SPATA13: variants seen among roughly 807,000 people sequenced by gnomAD.
SPATA13 encodes the protein spermatogenesis-associated protein 13.
Under a neutral mutation model 104.0 loss-of-function variants are expected in SPATA13, and 50 were observed. That is an observed-to-expected ratio of 0.48 (90% confidence interval 0.38 to 0.61). The LOEUF is 0.61. SPATA13 is among the 20% of genes least tolerant of loss of function. The pLI is 0.00. For missense variants in SPATA13, 1,524 were observed against 1,690.6 expected (o/e 0.90, Z 1.73); for synonymous variants, 606 against 667.5 (o/e 0.91, Z 1.42).
At chr13:24,084,579 G>C (rs888513802) in intron 3 of SPATA13, among the ~76,000 whole-genome samples, 3 of 152,138 alleles carry the variant, frequency 2.0e-5, no homozygotes, top group African/African-American at 7.2e-5. Context: ...TTCAGCTGGA[G>C]ATGAATTTGT....
chr13:24,216,779 G>T (rs1220082194), intron 1 of SPATA13, among the ~76,000 whole-genome samples: 1 of 152,186 alleles, frequency 6.6e-6, no homozygotes, highest in East Asian at 1.9e-4. Flanking sequence ...GGCTGGGCAT[G>T]GTGGCTCATG....
chr13:24,109,059 G>A (rs1880549684), intron 3 of SPATA13, among the ~76,000 whole-genome samples: 1 of 152,090 alleles, frequency 6.6e-6, no homozygotes, highest in African/African-American at 2.4e-5. Flanking sequence ...GTTTGCTGCA[G>A]CCATTAACTC....
rs941840152 is a variant in SPATA13 at position 24,044,848 on chromosome 13, C to G, written c.-112+27147C>G. Reference sequence around the variant, plus strand: ...ATATGTGGAATCTGAAAATATCCATCTCCTGGAGACAGTAAATAGAACGGT... The same window carrying G: ...ATATGTGGAATCTGAAAATATCCATGTCCTGGAGACAGTAAATAGAACGGT... On this transcript the variant is annotated intron_variant, in intron 3 of 14. Transcript: ENST00000424834. Among the ~76,000 whole-genome samples the G allele has an allele frequency of 2.2e-4, 28 of 127,822 alleles. No homozygotes were observed. The South Asian group carries it at 6.9e-3, about 31-fold the overall frequency. 83.9% of individuals were successfully genotyped at this position (127,822 alleles called of 152,430 possible). A position where few individuals can be genotyped will look rare whatever the true frequency, so the allele number is the denominator to read the frequency against.
At chr13:24,238,732 C>T (rs926876542) in intron 2 of SPATA13, among the ~76,000 whole-genome samples, 4 of 152,160 alleles carry the variant, frequency 2.6e-5, no homozygotes, top group East Asian at 3.8e-4. Flanking sequence ...ATGTTTTTCA[C>T]GTTTACTCAC....
At chr13:24,183,446 A>G (rs1389633652) in intron 1 of SPATA13, among the ~76,000 whole-genome samples, 1 of 152,178 alleles carries the variant, frequency 6.6e-6, no homozygotes, top group Non-Finnish European at 1.5e-5. Context: ...AACGCTTTCT[A>G]TGTTGTAAGT....
chr13:24,186,615 G>A (rs1869167578), intron 1 of SPATA13, among the ~76,000 whole-genome samples: 1 of 152,226 alleles, frequency 6.6e-6, no homozygotes, highest in African/African-American at 2.4e-5. Context: ...GAGCTAAAGA[G>A]AAGTTAGTTC....
chr13:24,077,547 T>C (rs937692189), intron 3 of SPATA13, among the ~76,000 whole-genome samples: 1 of 151,912 alleles, frequency 6.6e-6, no homozygotes, highest in Non-Finnish European at 1.5e-5. Flanking sequence ...GAATGGACAC[T>C]GGAAGCCCAG....
chr13:24,136,502 A>G (rs1157290301), intron 3 of SPATA13, among the ~76,000 whole-genome samples: 3 of 135,522 alleles, frequency 2.2e-5, no homozygotes, highest in South Asian at 4.8e-4. Flanking sequence ...AAAGAAAGAA[A>G]GTGAGAGAGA....
rs1566088002 is a variant in SPATA13, at chr13:24,057,024, TCTCTC to T, written c.-112+39324_-112+39328del. ...TTTTCTTTCTCTCTCTCTCTCTCTC[TCTCTC>T]TCTTTCTTTCATAGCGTCTGGCTCT... On this transcript the variant is annotated intron_variant, in intron 3 of 14. Coordinates refer to the SPATA13 transcript ENST00000424834. Among the ~76,000 whole-genome samples the T allele has an allele frequency of 6.1e-3, 920 of 150,014 alleles. 10 individuals are homozygous for T. Among genetic ancestry groups the T allele is most frequent in the African/African-American group, 0.021 (854 of 40,854 alleles).
intron 2 of SPATA13, among the ~76,000 whole-genome samples, chr13:24,232,536 A>G (rs1358096288): frequency 6.6e-6 from 1 of 152,082 alleles, no homozygotes; most frequent in Non-Finnish European, 1.5e-5. Context: ...TTGTCTTTTA[A>G]ATTTTTTAAT....
rs916285958 is a variant in SPATA13, at chr13:24,089,523, A to G, written c.-112+71822A>G. 3.3e-5 allele frequency among the ~76,000 whole-genome samples: 5 copies of G among 152,196 alleles called. No individual in the cohort carries two copies. In the East Asian group the frequency reaches 9.6e-4, roughly 29 times the overall value. On this transcript the variant is annotated intron_variant, in intron 3 of 14. Transcript: ENST00000424834. ...TGATGGAGTCTCTATACAATATGCA[A>G]TATTACAAAACCCCTCTGGGCTAGG... is the stretch of plus-strand genomic sequence containing the variant.
At chr13:24,233,595 T>C (rs1872397486) in intron 2 of SPATA13, among the ~76,000 whole-genome samples, 1 of 152,192 alleles carries the variant, frequency 6.6e-6, no homozygotes, top group Non-Finnish European at 1.5e-5. Context: ...AGCTTTTTAC[T>C]TTAACAATGG....
chr13:24,232,796 G>C (rs1056096546), intron 2 of SPATA13, among the ~76,000 whole-genome samples: 1 of 152,186 alleles, frequency 6.6e-6, no homozygotes, highest in Non-Finnish European at 1.5e-5. Flanking sequence ...TGGTCTGCCT[G>C]CCTCGGCCTC....
intron 3 of SPATA13, among the ~76,000 whole-genome samples, chr13:24,065,866 A>C (rs1336017561): frequency 6.6e-6 from 1 of 152,228 alleles, no homozygotes; most frequent in African/African-American, 2.4e-5. Context: ...CTGAAGTCCA[A>C]ATACTTGGGT....
At chr13:24,270,476 T>C (rs1874521692) in intron 4 of SPATA13, among the ~76,000 whole-genome samples, 1 of 152,230 alleles carries the variant, frequency 6.6e-6, no homozygotes, top group Non-Finnish European at 1.5e-5. Context: ...TCTCTGAAAG[T>C]TTAACTCAGG....
chr13:24,246,056 GA>G (rs1873116004), intron 2 of SPATA13, among the ~76,000 whole-genome samples: 1 of 152,154 alleles, frequency 6.6e-6, no homozygotes, highest in Non-Finnish European at 1.5e-5. Flanking sequence ...GCATTACTGA[GA>G]AAAGGCAGGG....
intron 3 of SPATA13, among the ~76,000 whole-genome samples, chr13:24,046,974 C>T (rs1345341968): frequency 2.0e-5 from 3 of 152,160 alleles, no homozygotes; most frequent in Admixed American, 2.0e-4. Flanking sequence ...AAATCAGCCT[C>T]TCTCAGAACT....
intron 4 of SPATA13, among the ~76,000 whole-genome samples, chr13:24,257,736 T>C (rs1474842763): frequency 6.6e-6 from 1 of 152,068 alleles, no homozygotes; most frequent in Non-Finnish European, 1.5e-5. Flanking sequence ...GATACAGTAA[T>C]ACGAATTGCT....
exon 2 of SPATA13, chr13:23,983,896 G>A (rs1875027322): frequency 1.5e-5 from 15 of 985,354 alleles, no homozygotes; most frequent in Non-Finnish European, 1.6e-5. Flanking sequence ...CCGTGCAGAT[G>A]GCAAAGCGTA....
Sources: gnomAD v4.1 joint callset for allele counts (sites outside exome capture counted in the v4.1 genomes callset) on GRCh38, gnomAD v4.1.1 for gene constraint, MANE v1.5 for transcripts, NCBI Gene and HGNC (gene_info 2026-07-23, HGNC 2026-07-21) for gene names.